The following KCNJ6 variants were observed in gnomAD, a reference collection of about 807,000 sequenced individuals.
The protein encoded by KCNJ6 is G protein-activated inward rectifier potassium channel 2.
A neutral mutation model predicts 34.2 loss-of-function variants in KCNJ6; 9 were observed. The ratio of observed to expected loss-of-function variants is 0.26; its 90% CI spans 0.16 to 0.46. The LOEUF (loss-of-function observed/expected upper bound fraction) is 0.46. KCNJ6 is among the 20% of genes least tolerant of loss of function. KCNJ6 has a pLI of 1.00. For missense variants in KCNJ6, 236 were observed against 531.3 expected (o/e 0.44, Z 5.46); for synonymous variants, 196 against 207.1 (o/e 0.95, Z 0.46).
intron 1 of KCNJ6, among the ~76,000 whole-genome samples, chr21:37,867,307 C>T (rs1028460150): frequency 1.3e-5 from 2 of 152,190 alleles, no homozygotes; most frequent in Non-Finnish European, 2.9e-5. Context: ...CAGCATCGCA[C>T]TCAGAGTCAG....
chr21:37,745,227 T>C lies in KCNJ6; in HGVS notation c.26-30096A>G, dbSNP rs112108799. Among the ~76,000 whole-genome samples the C allele has an allele frequency of 1.0e-3, 153 of 152,174 alleles. 1 individual carries two copies. The highest frequency in any genetic ancestry group is 3.5e-3 in the African/African-American group (146 of 41,504). On this transcript the variant is annotated intron_variant, in intron 2 of 3. Coordinates refer to ENST00000609713, the MANE Select transcript of KCNJ6 (RefSeq NM_002240.5). ...CTCCTGCCTCAGCCTTCTGAGTAGC[T>C]GGGACCACAGGTGTGCACCACCATA...
At chr21:37,912,185 A>C (rs558190294) in intron 1 of KCNJ6, among the ~76,000 whole-genome samples, 1 of 152,350 alleles carries the variant, frequency 6.6e-6, no homozygotes, top group East Asian at 1.9e-4. Context: ...AACCAAGTGA[A>C]TGGGGGCGAA....
At chr21:37,773,708 TCTGCACCACAC>T (rs1261718008) in intron 2 of KCNJ6, among the ~76,000 whole-genome samples, 2 of 152,200 alleles carry the variant, frequency 1.3e-5, no homozygotes, top group Non-Finnish European at 2.9e-5. Context: ...AAATGGACCC[TCTGCACCACAC>T]CTGCACCAGG....
chr21:37,644,707 G>A (rs1006232614), intron 3 of KCNJ6, among the ~76,000 whole-genome samples: 1 of 152,132 alleles, frequency 6.6e-6, no homozygotes, highest in Admixed American at 6.6e-5. Context: ...AATTGTTTAC[G>A]TTCTCATTAA....
chr21:37,665,237 A>G (rs2054508545), intron 3 of KCNJ6, among the ~76,000 whole-genome samples: 1 of 152,228 alleles, frequency 6.6e-6, no homozygotes, highest in African/African-American at 2.4e-5. Context: ...TCACTGGCAC[A>G]TAGGATGCAT....
At chr21:37,844,314 T>TC (rs1601497821) in intron 1 of KCNJ6, among the ~76,000 whole-genome samples, 1 of 152,056 alleles carries the variant, frequency 6.6e-6, no homozygotes, top group African/African-American at 2.4e-5. Flanking sequence ...CACCTTATCC[T>TC]CCCAAAATGC....
chr21:37,836,043 G>A (rs540132242), intron 2 of KCNJ6, among the ~76,000 whole-genome samples: 2 of 152,072 alleles, frequency 1.3e-5, no homozygotes, highest in Admixed American at 6.5e-5. Context: ...AAATTTACAC[G>A]AAAAAAACAA....
rs1019820262 is a variant in KCNJ6 at position 37,611,496 on chromosome 21, A to T, written c.*13663T>A. ...AGAACACTTGCTAACTCATTCTATG[A>T]ATCCAGCATCACCTTAATACCAAAA... On this transcript the variant is annotated 3_prime_UTR_variant, in exon 4 of 4. Coordinates refer to ENST00000609713, the MANE Select transcript of KCNJ6 (RefSeq NM_002240.5). 2 of 152,244 alleles carry T rather than the reference A, an allele frequency of 1.3e-5. No individual in the cohort carries two copies. The highest frequency in any genetic ancestry group is 4.8e-5 in the African/African-American group (2 of 41,474). 9.4% of individuals were successfully genotyped at this position (152,244 alleles called of 1,614,324 possible).
chr21:37,770,132 T>G (rs1433356295), intron 2 of KCNJ6, among the ~76,000 whole-genome samples: 1 of 152,228 alleles, frequency 6.6e-6, no homozygotes, highest in East Asian at 1.9e-4. Context: ...TCTACCCAGT[T>G]GTCTTGGCCA....
chr21:37,864,436 T>C (rs894470617), intron 1 of KCNJ6, among the ~76,000 whole-genome samples: 1 of 152,128 alleles, frequency 6.6e-6, no homozygotes, highest in Non-Finnish European at 1.5e-5. Context: ...TTTAATAGTG[T>C]TTCTTTTTTA....
intron 2 of KCNJ6, among the ~76,000 whole-genome samples, chr21:37,780,533 C>G (rs752882687): frequency 1.4e-5 from 2 of 148,108 alleles, no homozygotes; most frequent in Non-Finnish European, 3.0e-5. Flanking sequence ...ATGTTCCACA[C>G]GAATGCAAGA....
At chr21:37,753,861 A>T (rs1169105271) in intron 2 of KCNJ6, among the ~76,000 whole-genome samples, 1 of 152,216 alleles carries the variant, frequency 6.6e-6, no homozygotes, top group Non-Finnish European at 1.5e-5. Context: ...TCTCTGAGAC[A>T]TCGGACACTA....
chr21:37,610,034 G>A lies in KCNJ6; in HGVS notation c.*15125C>T, dbSNP rs1156976145. ...GGTAATGACAGGGGAGCAGGACGTG[G>A]TCGGTGGGTGCTGTTGGAGACAAGT... On this transcript the variant is annotated 3_prime_UTR_variant, in exon 4 of 4. Transcript: ENST00000609713. 2 of 152,272 alleles carry A rather than the reference G, an allele frequency of 1.3e-5. No homozygotes were observed. Among genetic ancestry groups the A allele is most frequent in the African/African-American group, 4.8e-5 (2 of 41,442 alleles). 9.4% of individuals were successfully genotyped at this position (152,272 alleles called of 1,614,324 possible).
intron 3 of KCNJ6, among the ~76,000 whole-genome samples, chr21:37,667,087 C>T (rs1164698969): frequency 6.8e-6 from 1 of 147,202 alleles, no homozygotes; most frequent in East Asian, 2.0e-4. Context: ...ACCTTCTCTC[C>T]ACTATTATCC....
At chr21:37,705,042 C>T (rs1469176904) in intron 3 of KCNJ6, among the ~76,000 whole-genome samples, 1 of 152,084 alleles carries the variant, frequency 6.6e-6, no homozygotes, top group Non-Finnish European at 1.5e-5. Flanking sequence ...GACTCAATGC[C>T]AACTGTTATG....
intron 3 of KCNJ6, among the ~76,000 whole-genome samples, chr21:37,671,803 C>A (rs574671889): frequency 6.6e-6 from 1 of 152,330 alleles, no homozygotes; most frequent in Admixed American, 6.5e-5. Context: ...CCTCTGGAGT[C>A]ATGGAAGTGT....
At chr21:37,642,611 G>A (rs1315040779) in intron 3 of KCNJ6, among the ~76,000 whole-genome samples, 2 of 151,650 alleles carry the variant, frequency 1.3e-5, no homozygotes, top group Admixed American at 6.6e-5. Context: ...GAAGATAGGG[G>A]AGAAGGCAAA....
chr21:37,855,009 T>C (rs1044133136), intron 1 of KCNJ6, among the ~76,000 whole-genome samples: 2 of 152,140 alleles, frequency 1.3e-5, no homozygotes, highest in Non-Finnish European at 1.5e-5. Flanking sequence ...ACCAACAGGA[T>C]CAAATCAATG....
At position 37,785,217 on chromosome 21, in the gene KCNJ6, G is replaced by T. The variant is rs191467832; in HGVS notation, c.25+55441C>A. 4.1e-3 allele frequency among the ~76,000 whole-genome samples: 626 copies of T among 152,286 alleles called. 8 individuals are homozygous for T. Among genetic ancestry groups the T allele is most frequent in the Non-Finnish European group, 5.9e-3 (398 of 68,006 alleles). On this transcript the variant is annotated intron_variant, in intron 2 of 3. Transcript: ENST00000609713. ...GGGCCCATGAGGATGAGAACCTGAG[G>T]CTTCAGGTTATCACTGTTAATGTGA...
Sources: allele counts gnomAD v4.1 joint callset (sites outside exome capture counted in the v4.1 genomes callset), GRCh38; gene constraint gnomAD v4.1.1; transcripts MANE v1.5; gene names NCBI Gene and HGNC (gene_info 2026-07-23, HGNC 2026-07-21).